Variants in EVC observed in about 807,000 individuals in gnomAD.
EVC encodes EvC ciliary complex subunit 1.
EVC carries 116 observed loss-of-function variants against 118.9 expected under a neutral mutation model. The ratio of observed to expected loss-of-function variants is 0.98; its 90% confidence interval spans 0.84 to 1.14. The LOEUF (loss-of-function observed/expected upper bound fraction) is 1.14. Ranked by LOEUF, EVC falls within the 50% of genes most tolerant of loss-of-function variation. The pLI, the probability that EVC is intolerant of heterozygous loss-of-function variation, is 0.00. For missense variants in EVC, 1,401 were observed against 1,246.4 expected, an observed-to-expected ratio of 1.12 and a Z score of -1.87; for synonymous variants, 619 against 534.7, an observed-to-expected ratio of 1.16 and a Z score of -2.18.
rs1460851298 is a variant in EVC, at chr4:5,810,382, AAG to A, written c.2829_2830del (p.Asp945ProfsTer7). The A allele has an allele frequency of 6.2e-6, 10 of 1,613,820 alleles. No individual in the cohort carries two copies. The highest frequency in any genetic ancestry group is 3.3e-5 in the Admixed American group (2 of 59,976). On this transcript the variant is annotated frameshift_variant, in exon 20 of 21. Coordinates refer to ENST00000264956, the MANE Select transcript of EVC (RefSeq NM_153717.3). LOFTEE classifies it high-confidence loss of function. Reference sequence around the variant, plus strand: ...AAAGGAAGAAGCCCCTGCCCCAGGAAAGAGGGGACCTGGGGGTGCCCAACAAT... The same window carrying A: ...AAAGGAAGAAGCCCCTGCCCCAGGAAAGGGGACCTGGGGGTGCCCAACAAT... ...TKRKKPLPQE[R>X]GDLGVPNNED...
chr4:5,741,257 G>A (rs564537982), intron 5 of EVC, among the ~76,000 whole-genome samples: 4 of 152,180 alleles, frequency 2.6e-5, no homozygotes, highest in Non-Finnish European at 5.9e-5. Flanking sequence ...CCCACTTATG[G>A]GAGGGTTCTT....
intron 2 of EVC, among the ~76,000 whole-genome samples, chr4:5,722,921 A>G (rs897039457): frequency 2.0e-5 from 3 of 152,192 alleles, no homozygotes; most frequent in Non-Finnish European, 4.4e-5. Flanking sequence ...AGAGCTTTAA[A>G]AAACTAAAGG....
chr4:5,811,216 G>A lies in EVC; in HGVS notation c.*179G>A, dbSNP rs553174974. 2.1e-5 allele frequency: 13 copies of A among 607,460 alleles called. No individual in the cohort carries two copies. The Middle Eastern group carries it at 1.3e-3, about 62-fold the overall frequency. The allele number at this position is 607,460 out of a possible 1,614,324, so 37.6% of individuals were successfully genotyped here. A position where few individuals can be genotyped will look rare whatever the true frequency, so the allele number is the denominator to read the frequency against. ...CTAAAAGCATAAATGAGTATCACCTGAGAAAATTAGGCATTCCCGTCTTGG... is the reference window on the plus strand; with the variant it reads ...CTAAAAGCATAAATGAGTATCACCTAAGAAAATTAGGCATTCCCGTCTTGG... On this transcript the variant is annotated 3_prime_UTR_variant, in exon 21 of 21. Transcript: ENST00000264956.
the EVC span, chr4:5,825,685 T>C: frequency 2.2e-5 from 35 of 1,610,236 alleles, no homozygotes; most frequent in South Asian, 6.6e-5. The surrounding 1 kb of genome is among the most constrained non-coding windows in gnomAD (Gnocchi z 4.4). Flanking sequence ...GAGAGTGTGA[T>C]TGATCGACAC....
chr4:5,736,745 C>A (rs1483770206), intron 5 of EVC, among the ~76,000 whole-genome samples: 1 of 152,168 alleles, frequency 6.6e-6, no homozygotes, highest in East Asian at 1.9e-4. Context: ...CAGTATGAGA[C>A]AACAAACTTA....
At chr4:5,718,953 A>T (rs1724459354) in intron 1 of EVC, among the ~76,000 whole-genome samples, 1 of 152,204 alleles carries the variant, frequency 6.6e-6, no homozygotes, top group Admixed American at 6.5e-5. Context: ...AAATGGAACG[A>T]GCTTTGCTCT....
chr4:5,732,621 T>G (rs981733895), intron 4 of EVC, among the ~76,000 whole-genome samples: 1 of 152,260 alleles, frequency 6.6e-6, no homozygotes, highest in African/African-American at 2.4e-5. Context: ...ATTTGTCTGA[T>G]TCTCTCTTCC....
chr4:5,793,157 A>G (rs1713115198), intron 12 of EVC, among the ~76,000 whole-genome samples: 1 of 152,196 alleles, frequency 6.6e-6, no homozygotes, highest in African/African-American at 2.4e-5. Flanking sequence ...TACATTAGTA[A>G]GCATGGTATT....
chr4:5,770,906 G>A (rs944060352), intron 11 of EVC, among the ~76,000 whole-genome samples: 1 of 151,986 alleles, frequency 6.6e-6, no homozygotes, highest in Non-Finnish European at 1.5e-5. Context: ...CCAGCTACTT[G>A]GGAGGCTGAG....
chr4:5,790,606 A>G (rs1480389950), intron 12 of EVC, among the ~76,000 whole-genome samples: 1 of 152,174 alleles, frequency 6.6e-6, no homozygotes, highest in Non-Finnish European at 1.5e-5. Context: ...TTTAGAAAAT[A>G]TTGGAGCTTT....
intron 11 of EVC, among the ~76,000 whole-genome samples, chr4:5,761,684 G>C (rs151215681): frequency 1.3e-5 from 2 of 151,890 alleles, no homozygotes; most frequent in Non-Finnish European, 2.9e-5. Context: ...TAAGCCAGCC[G>C]TCAACATGAT....
intron 17 of EVC, among the ~76,000 whole-genome samples, chr4:5,805,650 G>A (rs914302105): frequency 5.9e-5 from 9 of 152,156 alleles, no homozygotes; most frequent in Non-Finnish European, 7.3e-5. Context: ...AATTTTAGCC[G>A]CACCTCTCCG....
intron 7 of EVC, among the ~76,000 whole-genome samples, chr4:5,747,290 T>C (rs796771037): frequency 3.3e-4 from 50 of 152,166 alleles, no homozygotes; most frequent in African/African-American, 1.2e-3. Context: ...CCCCCTCCCA[T>C]GCCCAGTCCA....
chr4:5,808,177 G>GTCCCTCCCTCCCTCCCTCCCTCCCTC (rs1224890549), intron 17 of EVC, 24 bp from the exon 18 acceptor site: 1 of 1,065,162 alleles, frequency 9.4e-7, no homozygotes, highest in African/African-American at 3.2e-5. Flanking sequence ...CTCCCTGCCA[G>GTCCCTCCCTCCCTCCCTCCCTCCCTC]CCTGCCTGCC....
chr4:5,810,822 C>G (rs926843283), intron 20 of EVC, 131 bp from the exon 21 acceptor site: 2 of 873,636 alleles, frequency 2.3e-6, no homozygotes, highest in Admixed American at 2.0e-5. Context: ...TTCTTAACAA[C>G]CCATGTCAAA....
rs1182514331 is a variant in EVC at position 5,726,582 on chromosome 4, T to TTTTTA, written c.301-2724_301-2723insTTTAT. Among the ~76,000 whole-genome samples the TTTTTA allele has an allele frequency of 6.0e-5, 9 of 149,944 alleles. No homozygotes were observed. The South Asian group carries it at 1.3e-3, about 21-fold the overall frequency. On this transcript the variant is annotated intron_variant, in intron 2 of 20. Coordinates refer to ENST00000264956, the MANE Select transcript of EVC (RefSeq NM_153717.3). ...TCTTCTCTTTTCTTTTTTTTTTTTT[T>TTTTTA]TATTATACTTTAAGTTTTAGGGTAC...
In EVC at chr4:5,719,327, G is replaced by T; in HGVS notation, c.254G>T (p.Arg85Met). The change falls in exon 2 of 21, where the codon AGG becomes ATG. Residue 85 changes from arginine to methionine, a missense_variant. Transcript: ENST00000264956. This position sits in a 1 kb window ranked among gnomAD's most constrained non-coding sequence, Gnocchi z 4.7. Reference sequence around the variant, plus strand: ...TCGGAAACTGGCTCCCCATCAAGGAGGAGGAAGAGAGAAGTGCAGATGTCG... The same window carrying T: ...TCGGAAACTGGCTCCCCATCAAGGATGAGGAAGAGAGAAGTGCAGATGTCG... The part of the protein sequence containing the change: ...TPSETGSPSR[R>M]RKREVQMSKD... 1.2e-6 allele frequency: 2 copies of T among 1,614,232 alleles called. No individual in the cohort carries two copies. The highest frequency in any genetic ancestry group is 1.7e-6 in the Non-Finnish European group (2 of 1,180,040).
chr4:5,797,338 G>A (rs1389591131), intron 14 of EVC, 106 bp downstream of exon 14: 2 of 963,106 alleles, frequency 2.1e-6, no homozygotes, highest in Non-Finnish European at 3.2e-6. Context: ...CACCCTTGGT[G>A]CTGCAGGGTG....
chr4:5,796,336 T>G (rs1560423490), intron 13 of EVC, among the ~76,000 whole-genome samples: 1 of 152,216 alleles, frequency 6.6e-6, no homozygotes, highest in Non-Finnish European at 1.5e-5. Context: ...TGGGTATTTT[T>G]ATTGGATGAT....
Sources: gnomAD v4.1 joint callset for allele counts (sites outside exome capture counted in the v4.1 genomes callset) on GRCh38, gnomAD v4.1.1 for gene constraint, Gnocchi (gnomAD v3.1) non-coding constraint, MANE v1.5 for transcripts, NCBI Gene and HGNC (gene_info 2026-07-23, HGNC 2026-07-21) for gene names.